Variants in CRPPA observed in about 807,000 individuals in gnomAD.
The protein encoded by CRPPA is CDP-L-ribitol pyrophosphorylase A, also known as D-ribitol-5-phosphate cytidylyltransferase.
CRPPA carries 43 observed loss-of-function variants against 52.0 expected under a neutral mutation model. The ratio of observed to expected loss-of-function variants is 0.83; its 90% CI spans 0.65 to 1.07. CRPPA has a LOEUF of 1.07. CRPPA is among the 50% of genes least tolerant of loss of function. CRPPA has a pLI of 0.00. For missense variants in CRPPA, 629 were observed against 551.7 expected (o/e 1.14, Z -1.40); for synonymous variants, 250 against 203.5 (o/e 1.23, Z -1.94).
intron 3 of CRPPA, among the ~76,000 whole-genome samples, chr7:16,371,160 G>C (rs1583555041): frequency 6.6e-6 from 1 of 152,092 alleles, no homozygotes; most frequent in South Asian, 2.1e-4. Flanking sequence ...TCAAGGCTAG[G>C]ACCTCTGCCC....
At chr7:16,276,480 A>C (rs890559738) in intron 6 of CRPPA, 1 of 152,240 alleles carries the variant, frequency 6.6e-6, no homozygotes, top group Admixed American at 6.5e-5. Context: ...ACACTTTATG[A>C]CAAAAGAAAA....
intron 9 of CRPPA, among the ~76,000 whole-genome samples, chr7:16,182,667 T>C (rs1452333318): frequency 6.6e-6 from 1 of 152,192 alleles, no homozygotes; most frequent in Non-Finnish European, 1.5e-5. Flanking sequence ...ATTTGTTTTC[T>C]TCATAACCAA....
intron 8 of CRPPA, among the ~76,000 whole-genome samples, chr7:16,245,645 C>A (rs1783251393): frequency 6.6e-6 from 1 of 152,144 alleles, no homozygotes; most frequent in Non-Finnish European, 1.5e-5. Flanking sequence ...TATCACCACA[C>A]TAAGTCAGCC....
chr7:16,301,341 G>T, intron 5 of CRPPA, 80 bp downstream of exon 5: 3 of 1,151,106 alleles, frequency 2.6e-6, no homozygotes, highest in Non-Finnish European at 3.9e-6. Flanking sequence ...AGATTGCTGG[G>T]ATTTAAACTG....
At chr7:16,334,044 G>A (rs559590923) in intron 3 of CRPPA, among the ~76,000 whole-genome samples, 1 of 151,914 alleles carries the variant, frequency 6.6e-6, no homozygotes, top group Non-Finnish European at 1.5e-5. Flanking sequence ...AACATGGCTG[G>A]ACCACTTGAA....
chr7:16,175,690 G>A (rs879174493), intron 9 of CRPPA, among the ~76,000 whole-genome samples: 1 of 152,026 alleles, frequency 6.6e-6, no homozygotes, highest in Admixed American at 6.6e-5. Flanking sequence ...CTACAAAGTG[G>A]CAATAATGAG....
chr7:16,283,965 A>G (rs1399291400), intron 5 of CRPPA, among the ~76,000 whole-genome samples: 2 of 152,078 alleles, frequency 1.3e-5, no homozygotes. Flanking sequence ...TTTCAATTCT[A>G]TATTGGAACA....
At chr7:16,106,645 C>T (rs139735655) in intron 9 of CRPPA, among the ~76,000 whole-genome samples, 262 of 152,286 alleles carry the variant, frequency 1.7e-3, no homozygotes, top group African/African-American at 5.8e-3. Flanking sequence ...TCTATCCCTG[C>T]TAAAGAACAC....
intron 9 of CRPPA, among the ~76,000 whole-genome samples, chr7:16,117,228 C>T (rs1298191451): frequency 1.3e-5 from 2 of 152,078 alleles, no homozygotes; most frequent in African/African-American, 4.8e-5. Context: ...CTCTTTATTC[C>T]CACTGTGAGC....
At chr7:16,308,384 G>A (rs1583507847) in intron 4 of CRPPA, 139 bp downstream of exon 4, 4 of 604,906 alleles carry the variant, frequency 6.6e-6, no homozygotes, top group Admixed American at 5.6e-5. Flanking sequence ...GCAATAGAAG[G>A]GATACTACAC....
chr7:16,126,220 C>A (rs1325447160), intron 9 of CRPPA, among the ~76,000 whole-genome samples: 1 of 152,046 alleles, frequency 6.6e-6, no homozygotes, highest in Non-Finnish European at 1.5e-5. Flanking sequence ...CCATTCCCTA[C>A]CTGCATTAAA....
intron 8 of CRPPA, among the ~76,000 whole-genome samples, chr7:16,217,129 G>C (rs1384097611): frequency 2.5e-4 from 37 of 148,094 alleles, no homozygotes; most frequent in South Asian, 8.9e-4. Context: ...GTGGGTCCCT[G>C]ACCCCTGACC....
chr7:16,297,919 C>A (rs1462834794), intron 5 of CRPPA, among the ~76,000 whole-genome samples: 1 of 152,202 alleles, frequency 6.6e-6, no homozygotes, highest in East Asian at 1.9e-4. Context: ...ATGTATACAT[C>A]CTATCTATAT....
At chr7:16,361,272 A>G (rs1449648961) in intron 3 of CRPPA, among the ~76,000 whole-genome samples, 1 of 152,226 alleles carries the variant, frequency 6.6e-6, no homozygotes, top group East Asian at 1.9e-4. Context: ...AGAAATAAAA[A>G]TGGTACAGCC....
chr7:16,323,609 A>T (rs922910868), intron 3 of CRPPA, among the ~76,000 whole-genome samples: 2 of 152,196 alleles, frequency 1.3e-5, no homozygotes, highest in Non-Finnish European at 2.9e-5. Flanking sequence ...TAATCCACAG[A>T]GGCATGAACA....
chr7:16,196,642 T>C (rs1347590426), intron 9 of CRPPA, among the ~76,000 whole-genome samples: 1 of 152,144 alleles, frequency 6.6e-6, no homozygotes, highest in Non-Finnish European at 1.5e-5. Context: ...TAGAACACAT[T>C]ATAGTATCTA....
intron 6 of CRPPA, chr7:16,276,454 A>T (rs918390151): frequency 6.6e-6 from 1 of 152,254 alleles, no homozygotes; most frequent in Non-Finnish European, 1.5e-5. Context: ...TCAGATTTTC[A>T]TCACACTTGA....
rs1027027713 is a variant in CRPPA at position 16,147,211 on chromosome 7, T to C, written c.1252-55412A>G. 7.9e-5 allele frequency among the ~76,000 whole-genome samples: 12 copies of C among 152,176 alleles called. 1 individual carries two copies. Among genetic ancestry groups the C allele is most frequent in the Admixed American group, 6.5e-4 (10 of 15,274 alleles). On this transcript the variant is annotated intron_variant, in intron 9 of 9. Coordinates refer to ENST00000407010, the MANE Select transcript of CRPPA (RefSeq NM_001101426.4). The stretch of plus-strand genomic sequence containing the variant: ...GTGAGTCCATTAAACCTCTTTCCTT[T>C]ATAAATTACTCAGTCTTGGGTATAT...
chr7:16,346,494 G>A (rs1010688908), intron 3 of CRPPA, among the ~76,000 whole-genome samples: 1 of 150,998 alleles, frequency 6.6e-6, no homozygotes, highest in Non-Finnish European at 1.5e-5. Flanking sequence ...CACCCATTCT[G>A]TTCATGCAAG....
Sources: gnomAD v4.1 joint callset for allele counts (sites outside exome capture counted in the v4.1 genomes callset) on GRCh38, gnomAD v4.1.1 for gene constraint, MANE v1.5 for transcripts, NCBI Gene and HGNC (gene_info 2026-07-23, HGNC 2026-07-21) for gene names.